Variants in MYRFL observed in about 807,000 individuals in gnomAD.
MYRFL encodes myelin regulatory factor-like protein.
In MYRFL, 88 loss-of-function variants were observed where a neutral mutation model predicts 109.4. That is an observed-to-expected ratio of 0.80 (90% CI 0.68 to 0.96). The LOEUF is 0.96. Among genes scored for constraint, MYRFL ranks in the 40% least tolerant of loss-of-function variants. MYRFL has a pLI of 0.00. For missense variants in MYRFL, 957 were observed against 954.9 expected (o/e 1.00, Z -0.03); for synonymous variants, 324 against 320.9 (o/e 1.01, Z -0.10).
At chr12:69,875,099 A>G (rs910367838) in intron 2 of MYRFL, among the ~76,000 whole-genome samples, 3 of 138,498 alleles carry the variant, frequency 2.2e-5, no homozygotes, top group African/African-American at 8.0e-5. Context: ...CTTTTCCTAA[A>G]TTTAGGAAGA....
At chr12:69,844,900 A>C (rs985243773) in intron 1 of MYRFL, among the ~76,000 whole-genome samples, 1 of 152,168 alleles carries the variant, frequency 6.6e-6, no homozygotes, top group Non-Finnish European at 1.5e-5. Context: ...ACAAGCAACC[A>C]GAATGACCCT....
intron 15 of MYRFL, among the ~76,000 whole-genome samples, chr12:69,931,014 A>G (rs1955255961): frequency 6.6e-6 from 1 of 152,156 alleles, no homozygotes; most frequent in African/African-American, 2.4e-5. Flanking sequence ...GGATATGCCT[A>G]ATAACTCCAA....
intron 2 of MYRFL, among the ~76,000 whole-genome samples, chr12:69,875,687 T>C (rs1417424505): frequency 6.6e-6 from 1 of 152,166 alleles, no homozygotes; most frequent in Non-Finnish European, 1.5e-5. Flanking sequence ...TGTTGTGAAC[T>C]GCACAGGCGA....
Position 69,825,312 on chromosome 12 carries a change from T to C in MYRFL, c.-206T>C, listed in dbSNP as rs1222301159. On this transcript the variant is annotated 5_prime_UTR_variant, in exon 1 of 25. Coordinates refer to ENST00000552032, the MANE Select transcript of MYRFL (RefSeq NM_182530.3). ...AATTTTTTTTAAATGTATGGTTGTA[T>C]ATCCTTCCAGTTTTATAATCACATT... 4.3e-6 allele frequency: 3 copies of C among 694,322 alleles called. No homozygotes were observed. The highest frequency in any genetic ancestry group is 7.9e-6 in the Non-Finnish European group (3 of 380,104). 43.0% of individuals were successfully genotyped at this position (694,322 alleles called of 1,614,324 possible). A position where few individuals can be genotyped will look rare whatever the true frequency, so the allele number is the denominator to read the frequency against.
In MYRFL at chr12:69,884,513, TC is replaced by T. The variant is rs1021275169; in HGVS notation, c.557-2304del. Reference sequence around the variant, plus strand: ...CAATCCTCCCTGCCCCTGTCCACCCTCCCTGTCAGTGTCTGGAGAAGTGGAG... The same window carrying T: ...CAATCCTCCCTGCCCCTGTCCACCCTCCTGTCAGTGTCTGGAGAAGTGGAG... On this transcript the variant is annotated intron_variant, in intron 5 of 24. Coordinates refer to ENST00000552032, the MANE Select transcript of MYRFL (RefSeq NM_182530.3). Among the ~76,000 whole-genome samples, 24 of 152,330 alleles carry T rather than the reference TC, an allele frequency of 1.6e-4. 1 individual carries two copies. The highest frequency in any genetic ancestry group is 5.8e-4 in the African/African-American group (24 of 41,574).
intron 12 of MYRFL, 40 bp downstream of exon 12, chr12:69,910,117 C>CTATT: frequency 7.5e-7 from 1 of 1,336,106 alleles, no homozygotes; most frequent in Non-Finnish European, 1.0e-6. Context: ...GTATTGCCAA[C>CTATT]TATTAAAATT....
chr12:69,933,338 GCC>G (rs929951048), intron 16 of MYRFL, among the ~76,000 whole-genome samples: 1 of 152,052 alleles, frequency 6.6e-6, no homozygotes, highest in Non-Finnish European at 1.5e-5. Flanking sequence ...GTGTTCTCTT[GCC>G]CGTCTTCTCT....
intron 1 of MYRFL, among the ~76,000 whole-genome samples, chr12:69,841,180 C>A (rs527485545): frequency 1.3e-5 from 2 of 152,136 alleles, no homozygotes; most frequent in Non-Finnish European, 2.9e-5. Flanking sequence ...ACTTCTATCT[C>A]CAAGAGTACA....
intron 15 of MYRFL, among the ~76,000 whole-genome samples, chr12:69,929,187 G>A (rs1263462118): frequency 2.6e-5 from 4 of 152,184 alleles, no homozygotes; most frequent in Non-Finnish European, 4.4e-5. Context: ...TCTTGGGTAT[G>A]TGGGTGGGGT....
At chr12:69,828,012 A>G (rs962391899) in intron 1 of MYRFL, among the ~76,000 whole-genome samples, 1 of 152,144 alleles carries the variant, frequency 6.6e-6, no homozygotes, top group Non-Finnish European at 1.5e-5. Context: ...ATTTGAATAT[A>G]TAATGTTATA....
intron 21 of MYRFL, among the ~76,000 whole-genome samples, chr12:69,954,160 A>G (rs1015504564): frequency 6.6e-6 from 1 of 151,548 alleles, no homozygotes; most frequent in Non-Finnish European, 1.5e-5. Flanking sequence ...GTAAGATGAC[A>G]TAGTGAAGAG....
chr12:69,892,537 A>G (rs1019868330), intron 7 of MYRFL, among the ~76,000 whole-genome samples: 1 of 152,150 alleles, frequency 6.6e-6, no homozygotes, highest in African/African-American at 2.4e-5. Context: ...CTGCCTCCCA[A>G]AGTGTTGGAA....
chr12:69,900,397 A>G (rs1288956964), intron 10 of MYRFL, among the ~76,000 whole-genome samples: 2 of 152,234 alleles, frequency 1.3e-5, no homozygotes, highest in African/African-American at 4.8e-5. Flanking sequence ...ACTTACGACC[A>G]GGAGTACATG....
At chr12:69,910,415 A>G (rs746223374) in intron 12 of MYRFL, among the ~76,000 whole-genome samples, 7 of 152,080 alleles carry the variant, frequency 4.6e-5, no homozygotes, top group African/African-American at 9.7e-5. Flanking sequence ...AGGTGGAGGG[A>G]GAAGGTGGCA....
At position 69,928,847 on chromosome 12, in the gene MYRFL, T is replaced by TAAAC. The variant is rs1346771152; in HGVS notation, c.1830+1101_1830+1104dup. 5.3e-5 allele frequency among the ~76,000 whole-genome samples: 8 copies of TAAAC among 152,206 alleles called. No homozygotes were observed. The South Asian group carries it at 1.0e-3, about 20-fold the overall frequency. Reference sequence around the variant, plus strand: ...AATGTAGGAAAGGTACCCTTTGGACTAAACAGTTTTCAGTGGGACAGAGGG... The same window carrying TAAAC: ...AATGTAGGAAAGGTACCCTTTGGACTAAACAAACAGTTTTCAGTGGGACAGAGGG... On this transcript the variant is annotated intron_variant, in intron 15 of 24. Coordinates refer to ENST00000552032, the MANE Select transcript of MYRFL (RefSeq NM_182530.3).
intron 2 of MYRFL, among the ~76,000 whole-genome samples, chr12:69,868,108 T>G (rs1253112720): frequency 6.8e-6 from 1 of 147,298 alleles, no homozygotes; most frequent in Non-Finnish European, 1.5e-5. Flanking sequence ...CTTTTTTTTT[T>G]CTTTTTTTTT....
At position 69,880,951 on chromosome 12, in the gene MYRFL, G is replaced by GGTTTTTT. The variant is rs1555246956; in HGVS notation, c.556+659_556+660insGTTTTTT. Among the ~76,000 whole-genome samples, 525 of 112,610 alleles carry GGTTTTTT rather than the reference G, an allele frequency of 4.7e-3. 35 individuals carry two copies. The highest frequency in any genetic ancestry group is 0.014 in the East Asian group (49 of 3,438). 73.9% of individuals were successfully genotyped at this position (112,610 alleles called of 152,430 possible). ...TAATGTCCAAGCGGTCAGCCTTCCTGTTTTTTTTTTTTTTTTTTGTCTTAT... is the reference window on the plus strand; with the variant it reads ...TAATGTCCAAGCGGTCAGCCTTCCTGGTTTTTTTTTTTTTTTTTTTTTTTTGTCTTAT... On this transcript the variant is annotated intron_variant, in intron 5 of 24. Coordinates refer to ENST00000552032, the MANE Select transcript of MYRFL (RefSeq NM_182530.3).
At position 69,910,900 on chromosome 12, in the gene MYRFL, G is replaced by C. The variant is rs1253636804; in HGVS notation, c.1572G>C (p.Glu524Asp). The C allele has an allele frequency of 5.2e-6, 8 of 1,535,098 alleles. No individual in the cohort carries two copies. In the Admixed American group the frequency reaches 7.8e-5, roughly 15 times the overall value. Reference sequence around the variant, plus strand: ...GTGATGTCACCTGCGGAAACGGAGAGACCTTGGAGAACTTCCTCATGGTGG... The same window carrying C: ...GTGATGTCACCTGCGGAAACGGAGACACCTTGGAGAACTTCCTCATGGTGG... Reference protein sequence around the residue: ...EVGDVTCGNGETLENFLMVDK... With the variant: ...EVGDVTCGNGDTLENFLMVDK... The change falls in exon 13 of 25, where the codon GAG becomes GAC. Residue 524 changes from glutamate to aspartate, a missense_variant. Physicochemically the swap from Glu to Asp is conservative, Grantham distance 45. Coordinates refer to ENST00000552032, the MANE Select transcript of MYRFL (RefSeq NM_182530.3).
chr12:69,958,270 CTCCCTGTAGCCCCATTT>C lies in MYRFL; in HGVS notation c.2596_2612del (p.Pro866Ter), dbSNP rs569163095. On this transcript the variant is annotated frameshift_variant, in exon 24 of 25. Transcript: ENST00000552032. LOFTEE classifies it high-confidence loss of function. ...TTAGGGATATCAGCACATTTGGAGCCTCCCTGTAGCCCCATTTTCTGACAGCATGTTCCATTTCCGTG... is the reference window on the plus strand; with the variant it reads ...TTAGGGATATCAGCACATTTGGAGCCTCTGACAGCATGTTCCATTTCCGTG... 1 of 1,536,464 alleles carries C rather than the reference CTCCCTGTAGCCCCATTT, an allele frequency of 6.5e-7. No homozygotes were observed. The highest frequency in any genetic ancestry group is 1.2e-5 in the South Asian group (1 of 84,050).
Sources: allele counts gnomAD v4.1 joint callset (sites outside exome capture counted in the v4.1 genomes callset), GRCh38; gene constraint gnomAD v4.1.1; transcripts MANE v1.5; gene names NCBI Gene and HGNC (gene_info 2026-07-23, HGNC 2026-07-21).